PAK1: variants seen among roughly 807,000 people sequenced by gnomAD.
The protein encoded by PAK1 is serine/threonine-protein kinase PAK 1.
A neutral mutation model predicts 67.4 loss-of-function variants in PAK1; 29 were observed. The ratio of observed to expected loss-of-function variants is 0.43; its 90% CI spans 0.32 to 0.59. The LOEUF is 0.59. Ranked by LOEUF, PAK1 falls within the 20% of genes least tolerant of loss-of-function variation. The probability of loss-of-function intolerance (pLI) is 0.07; values close to 1 mark genes in which losing one functional copy is unlikely to be tolerated. For missense variants in PAK1, 337 were observed against 670.7 expected, an observed-to-expected ratio of 0.50 and a Z score of 5.50; for synonymous variants, 223 against 237.4, an observed-to-expected ratio of 0.94 and a Z score of 0.56.
intron 9 of PAK1, among the ~76,000 whole-genome samples, chr11:77,345,131 T>C (rs116039344): frequency 0.017 from 2,526 of 152,280 alleles, 63 homozygotes; most frequent in African/African-American, 0.058. Flanking sequence ...CCCTCTCTTA[T>C]GGAACTTACA....
chr11:77,524,218 A>G, the PAK1 span, among the ~76,000 whole-genome samples: 34 of 152,334 alleles, frequency 2.2e-4, no homozygotes, highest in African/African-American at 7.7e-4. Context: ...AATTGTCATC[A>G]GGACAAAGGC....
At chr11:77,380,457 C>A (rs555470027) in intron 2 of PAK1, among the ~76,000 whole-genome samples, 6 of 152,156 alleles carry the variant, frequency 3.9e-5, no homozygotes, top group Non-Finnish European at 1.5e-5. Context: ...CACGCCACTG[C>A]ATTCCAGCCT....
At chr11:77,428,658 G>C (rs112615760) in intron 1 of PAK1, among the ~76,000 whole-genome samples, 2,768 of 151,966 alleles carry the variant, frequency 0.018, 78 homozygotes, top group African/African-American at 0.062. Context: ...CCATCAGGAG[G>C]GGGAGGAAGA....
At chr11:77,326,798 A>G (rs1940017568) in intron 14 of PAK1, among the ~76,000 whole-genome samples, 1 of 152,204 alleles carries the variant, frequency 6.6e-6, no homozygotes, top group South Asian at 2.1e-4. Flanking sequence ...AATGACTCTG[A>G]CGAGTTGAAA....
intron 2 of PAK1, among the ~76,000 whole-genome samples, chr11:77,381,504 G>A (rs1949830450): frequency 1.3e-5 from 2 of 152,104 alleles, no homozygotes; most frequent in South Asian, 4.1e-4. Context: ...CAAAGCCAAG[G>A]CTCTTCACAT....
At chr11:77,476,789 A>G (rs899053829), upstream of PAK1, 7 of 152,316 alleles carry the variant, frequency 4.6e-5, no homozygotes, top group Non-Finnish European at 5.9e-5. Context: ...GTTCAAGAGC[A>G]GCCTGGCCAA....
chr11:77,379,791 C>A, intron 3 of PAK1, 103 bp downstream of exon 3: 1 of 805,316 alleles, frequency 1.2e-6, no homozygotes, highest in East Asian at 2.5e-5. Flanking sequence ...ATCAGGGTCT[C>A]AGGCAAAGAT....
chr11:77,331,606 A>G (rs1021771441), intron 14 of PAK1, among the ~76,000 whole-genome samples: 2 of 152,184 alleles, frequency 1.3e-5, no homozygotes, highest in African/African-American at 4.8e-5. Context: ...GGACACAGGA[A>G]GGGGAACATC....
At chr11:77,506,758 T>C in the PAK1 span, among the ~76,000 whole-genome samples, 1 of 152,120 alleles carries the variant, frequency 6.6e-6, no homozygotes. Context: ...TGACATACGA[T>C]GATTTATTAA....
the PAK1 span, among the ~76,000 whole-genome samples, chr11:77,494,185 A>G: frequency 2.0e-5 from 3 of 152,252 alleles, no homozygotes; most frequent in Non-Finnish European, 4.4e-5. Context: ...TGCTTACTGC[A>G]GCACTGTAAC....
the PAK1 span, among the ~76,000 whole-genome samples, chr11:77,491,049 C>G: frequency 6.6e-6 from 1 of 151,696 alleles, no homozygotes; most frequent in Admixed American, 6.6e-5. Flanking sequence ...ACTTGTTTAT[C>G]TGCTGACCTT....
chr11:77,469,601 A>G (rs1481191640), intron 1 of PAK1, among the ~76,000 whole-genome samples: 1 of 151,768 alleles, frequency 6.6e-6, no homozygotes, highest in African/African-American at 2.4e-5. Flanking sequence ...ACACTAAAGA[A>G]GGTCTCCTAA....
chr11:77,429,682 AAAGTT>A (rs1168282216), intron 1 of PAK1, among the ~76,000 whole-genome samples: 6 of 152,254 alleles, frequency 3.9e-5, no homozygotes, highest in African/African-American at 1.2e-4. Flanking sequence ...CAAGGTTATC[AAAGTT>A]AAGGAAAGAC....
At chr11:77,443,290 T>C (rs1179233107) in intron 1 of PAK1, among the ~76,000 whole-genome samples, 1 of 139,366 alleles carries the variant, frequency 7.2e-6, no homozygotes, top group Non-Finnish European at 1.5e-5. Flanking sequence ...GGCAACAGAG[T>C]GAGACTCCGT....
the PAK1 span, among the ~76,000 whole-genome samples, chr11:77,485,494 A>C: frequency 5.9e-5 from 9 of 151,820 alleles, no homozygotes; most frequent in Non-Finnish European, 8.8e-5. Flanking sequence ...TTTTTTTTTG[A>C]GACAAAGTTT....
chr11:77,480,634 CT>C, the PAK1 span, among the ~76,000 whole-genome samples: 1 of 151,342 alleles, frequency 6.6e-6, no homozygotes, highest in Non-Finnish European at 1.5e-5. Context: ...AGTGGTTCTG[CT>C]GCCGCAGCCT....
In PAK1 at chr11:77,322,197, A is replaced by C. The variant is rs1456630245; in HGVS notation, c.*1077T>G. On this transcript the variant is annotated 3_prime_UTR_variant, in exon 15 of 15. Coordinates refer to ENST00000356341, the MANE Select transcript of PAK1 (RefSeq NM_002576.5). ...ATAGCAGGAGGTAGCAAACATCCCC[A>C]ACACCCAGTGTAAGCATTTCCATTT... is the stretch of plus-strand genomic sequence containing the variant. The C allele has an allele frequency of 4.9e-6, 1 of 204,110 alleles. No homozygotes were observed. The highest frequency in any genetic ancestry group is 2.3e-5 in the African/African-American group (1 of 43,638). The allele number at this position is 204,110 out of a possible 1,614,324, so 12.6% of individuals were successfully genotyped here. A position where few individuals can be genotyped will look rare whatever the true frequency, so the allele number is the denominator to read the frequency against.
the PAK1 span, among the ~76,000 whole-genome samples, chr11:77,523,698 A>G: frequency 6.6e-6 from 1 of 152,332 alleles, no homozygotes; most frequent in Admixed American, 6.5e-5. Context: ...GATTACAGGC[A>G]TAAGCCACCA....
intron 8 of PAK1, among the ~76,000 whole-genome samples, chr11:77,349,805 G>T (rs1008632933): frequency 2.0e-5 from 3 of 151,880 alleles, no homozygotes; most frequent in African/African-American, 7.3e-5. Context: ...TTTTCAACTG[G>T]GGGGGTGACA....
Sources: allele counts gnomAD v4.1 joint callset (sites outside exome capture counted in the v4.1 genomes callset), GRCh38; gene constraint gnomAD v4.1.1; transcripts MANE v1.5; gene names NCBI Gene and HGNC (gene_info 2026-07-23, HGNC 2026-07-21).